The following RAB8B variants were observed in gnomAD, a reference collection of about 807,000 sequenced individuals.
The protein encoded by RAB8B is RAB8B, member RAS oncogene family, also known as ras-related protein Rab-8B.
RAB8B carries 11 observed loss-of-function variants against 32.0 expected under a neutral mutation model. The ratio of observed to expected loss-of-function variants is 0.34; its 90% CI spans 0.22 to 0.57. RAB8B has a LOEUF of 0.57. Among genes scored for constraint, RAB8B ranks in the 20% least tolerant of loss-of-function variants. The pLI, the probability that RAB8B is intolerant of heterozygous loss-of-function variation, is 0.86. For synonymous variants in RAB8B, 103 were observed against 89.6 expected (o/e 1.15, Z -0.85); for missense variants, 190 against 258.5 (o/e 0.73, Z 1.82).
At chr15:63,220,509 T>C (rs1412489059) in intron 1 of RAB8B, among the ~76,000 whole-genome samples, 1 of 151,628 alleles carries the variant, frequency 6.6e-6, no homozygotes, top group Non-Finnish European at 1.5e-5. Context: ...TAGAAGAGAG[T>C]ACAGTGTTCA....
chr15:63,247,218 A>G (rs191982604), intron 2 of RAB8B, among the ~76,000 whole-genome samples: 32 of 152,280 alleles, frequency 2.1e-4, no homozygotes, highest in East Asian at 3.9e-4. Flanking sequence ...CCCTTTCACA[A>G]CGGCTCCACC....
intron 1 of RAB8B, among the ~76,000 whole-genome samples, chr15:63,224,512 C>T (rs2037872993): frequency 6.6e-6 from 1 of 152,262 alleles, no homozygotes; most frequent in Non-Finnish European, 1.5e-5. Context: ...TCCTTAACAT[C>T]TCTTATTTTG....
chr15:63,204,890 G>A (rs1021077746), intron 1 of RAB8B, among the ~76,000 whole-genome samples: 3 of 152,182 alleles, frequency 2.0e-5, no homozygotes, highest in Admixed American at 6.5e-5. Flanking sequence ...GGGTGCAGTG[G>A]CACATGCCTA....
chr15:63,249,902 C>T (rs556761584), intron 3 of RAB8B, among the ~76,000 whole-genome samples, 197 bp downstream of exon 3: 7 of 151,100 alleles, frequency 4.6e-5, no homozygotes, highest in Non-Finnish European at 1.0e-4. Context: ...TTTGGGAGGC[C>T]GAGGCGGGTG....
chr15:63,213,604 TA>T (rs964791686), intron 1 of RAB8B, among the ~76,000 whole-genome samples: 2 of 151,442 alleles, frequency 1.3e-5, no homozygotes, highest in African/African-American at 2.4e-5. Context: ...TATGGACACT[TA>T]AAAAAAAACC....
At chr15:63,232,166 T>C (rs2037941426) in intron 1 of RAB8B, among the ~76,000 whole-genome samples, 1 of 152,232 alleles carries the variant, frequency 6.6e-6, no homozygotes, top group East Asian at 1.9e-4. Flanking sequence ...AGTTCTAGCA[T>C]TTAGAAACCT....
intron 1 of RAB8B, among the ~76,000 whole-genome samples, chr15:63,216,474 C>T (rs1484399146): frequency 2.0e-5 from 3 of 151,926 alleles, no homozygotes; most frequent in Middle Eastern, 3.4e-3. Context: ...AGCAGTCCAC[C>T]TGCCTTGGCC....
At chr15:63,260,691 A>C (rs189924746) in intron 6 of RAB8B, among the ~76,000 whole-genome samples, 1 of 152,018 alleles carries the variant, frequency 6.6e-6, no homozygotes, top group Non-Finnish European at 1.5e-5. Flanking sequence ...TAAAAAAAAA[A>C]AATAATAGGT....
At chr15:63,224,113 C>T (rs2037870087) in intron 1 of RAB8B, 1 of 154,580 alleles carries the variant, frequency 6.5e-6, no homozygotes, top group African/African-American at 2.4e-5. Flanking sequence ...TGCACGGAGC[C>T]TCAATGATGT....
intron 1 of RAB8B, among the ~76,000 whole-genome samples, chr15:63,219,188 C>G (rs981052455): frequency 6.6e-6 from 1 of 150,980 alleles, no homozygotes; most frequent in Non-Finnish European, 1.5e-5. Flanking sequence ...GTCCCAGTTA[C>G]TCAGGAGGCT....
rs1225592524 is a variant in RAB8B, at chr15:63,263,733, T to C, written c.*114T>C. ...TCCCGGCTGCTGCTGAGAGCACCAC[T>C]GAACTTAGACCTCTCAACACAGTAT... On this transcript the variant is annotated 3_prime_UTR_variant, in exon 8 of 8. Coordinates refer to ENST00000321437, the MANE Select transcript of RAB8B (RefSeq NM_016530.3). 9 of 799,666 alleles carry C rather than the reference T, an allele frequency of 1.1e-5. No homozygotes were observed. The highest frequency in any genetic ancestry group is 3.4e-5 in the African/African-American group (2 of 58,172). 49.5% of individuals were successfully genotyped at this position (799,666 alleles called of 1,614,324 possible).
At chr15:63,262,805 T>C in intron 7 of RAB8B, 63 bp downstream of exon 7, 1 of 765,944 alleles carries the variant, frequency 1.3e-6, no homozygotes, top group Non-Finnish European at 1.9e-6. Flanking sequence ...ATGAAAAGGA[T>C]AGGTCTAATT....
rs558644946 is a variant in RAB8B at position 63,219,119 on chromosome 15, T to C, written c.125-25637T>C. Among the ~76,000 whole-genome samples the C allele has an allele frequency of 2.8e-5, 4 of 143,074 alleles. No homozygotes were observed. In the East Asian group the frequency reaches 8.7e-4, roughly 31 times the overall value. The allele number at this position is 143,074 out of a possible 152,430, so 93.9% of individuals were successfully genotyped here. A position where few individuals can be genotyped will look rare whatever the true frequency, so the allele number is the denominator to read the frequency against. On this transcript the variant is annotated intron_variant, in intron 1 of 7. Coordinates refer to ENST00000321437, the MANE Select transcript of RAB8B (RefSeq NM_016530.3). ...GTCGAGGCCATCCTGGCCAACACGGTGAAACCCCGTCTCCACTAAAATACA... is the reference window on the plus strand; with the variant it reads ...GTCGAGGCCATCCTGGCCAACACGGCGAAACCCCGTCTCCACTAAAATACA...
intron 1 of RAB8B, among the ~76,000 whole-genome samples, chr15:63,227,249 A>C (rs533074431): frequency 4.8e-4 from 73 of 152,260 alleles, no homozygotes; most frequent in African/African-American, 1.7e-3. Context: ...CACGCCTCTG[A>C]CATTTGCATC....
At chr15:63,193,182 A>T (rs576491341) in intron 1 of RAB8B, among the ~76,000 whole-genome samples, 1 of 152,104 alleles carries the variant, frequency 6.6e-6, no homozygotes, top group Non-Finnish European at 1.5e-5. Context: ...GTAAGCTATG[A>T]TTGCACCACT....
chr15:63,235,180 G>T (rs2037967937), intron 1 of RAB8B, among the ~76,000 whole-genome samples: 1 of 151,994 alleles, frequency 6.6e-6, no homozygotes. Flanking sequence ...CAGGGAAAAA[G>T]CAGGCACTAC....
Position 63,208,694 on chromosome 15 carries a change from A to T in RAB8B, c.124+18946A>T, listed in dbSNP as rs560757774. ...GGCCTGTTGACATCTGTCTTTCCTG[A>T]TGTTCCTCATATGTCACTTTCTTTA... is the stretch of plus-strand genomic sequence containing the variant. On this transcript the variant is annotated intron_variant, in intron 1 of 7. Coordinates refer to ENST00000321437, the MANE Select transcript of RAB8B (RefSeq NM_016530.3). 1.6e-4 allele frequency among the ~76,000 whole-genome samples: 24 copies of T among 152,130 alleles called. 1 individual carries two copies. The South Asian group carries it at 5.0e-3, about 32-fold the overall frequency.
chr15:63,198,812 T>G (rs1166925770), intron 1 of RAB8B, among the ~76,000 whole-genome samples: 1 of 152,238 alleles, frequency 6.6e-6, no homozygotes, highest in Non-Finnish European at 1.5e-5. Context: ...ATTCGTTTCT[T>G]ATGCAATATT....
intron 1 of RAB8B, among the ~76,000 whole-genome samples, chr15:63,199,659 T>G (rs1179616824): frequency 6.6e-6 from 1 of 152,174 alleles, no homozygotes; most frequent in Admixed American, 6.5e-5. Context: ...GGGTTTTTTT[T>G]GTTTGTTTTT....
Sources: gnomAD v4.1 joint callset for allele counts (sites outside exome capture counted in the v4.1 genomes callset) on GRCh38, gnomAD v4.1.1 for gene constraint, MANE v1.5 for transcripts, NCBI Gene and HGNC (gene_info 2026-07-23, HGNC 2026-07-21) for gene names.